Variants in LPXN observed in about 807,000 individuals in gnomAD.
LPXN encodes leupaxin.
In LPXN, 28 loss-of-function variants were observed where a neutral mutation model predicts 45.6. The observed-to-expected ratio is 0.61, with a 90% CI of 0.45 to 0.84. LPXN has a LOEUF of 0.84. Among genes scored for constraint, LPXN ranks in the 40% least tolerant of loss-of-function variants. The probability of loss-of-function intolerance (pLI) is 0.00; values close to 1 mark genes in which losing one functional copy is unlikely to be tolerated. For missense variants in LPXN, 459 were observed against 475.0 expected (o/e 0.97, Z 0.31); for synonymous variants, 166 against 169.9 (o/e 0.98, Z 0.18).
chr11:58,561,732 T>C (rs899823397), intron 3 of LPXN, among the ~76,000 whole-genome samples: 14 of 152,252 alleles, frequency 9.2e-5, no homozygotes, highest in African/African-American at 2.2e-4. Context: ...TGGGGCAAAT[T>C]TGTGCTTATT....
At chr11:58,557,065 A>T (rs1034119736) in intron 3 of LPXN, among the ~76,000 whole-genome samples, 4 of 152,188 alleles carry the variant, frequency 2.6e-5, no homozygotes, top group Non-Finnish European at 5.9e-5. Flanking sequence ...CAGGGTATGG[A>T]GAAAAAAGAA....
At chr11:58,536,216 A>G (rs1260412988) in intron 7 of LPXN, among the ~76,000 whole-genome samples, 2 of 152,240 alleles carry the variant, frequency 1.3e-5, no homozygotes, top group Non-Finnish European at 2.9e-5. Flanking sequence ...ATCCTAAGCA[A>G]AAAGAACAAA....
Position 58,550,018 on chromosome 11 carries a change from T to C in LPXN, c.615A>G (p.Gln205=), listed in dbSNP as rs756037900. The C allele has an allele frequency of 5.0e-6, 8 of 1,613,944 alleles. No individual in the cohort carries two copies. Among genetic ancestry groups the C allele is most frequent in the Middle Eastern group, 1.6e-4 (1 of 6,084 alleles). The part of the protein sequence containing the change: ...GLAYCPNDYH[Q]LFSPRCAYCA... ...AGTAAGCACAGCGTGGAGAAAAAAG[T>C]TGGTGGTAGTCGTTGGGGCAGTAGG... Residue 205 remains glutamine (Q), a synonymous_variant, in exon 6 of 9, where the codon CAA becomes CAG. Transcript: ENST00000395074.
chr11:58,554,920 T>TC lies in LPXN; in HGVS notation c.238dup (p.Glu80GlyfsTer7). ...TGACGTTTTAGAAGGTGGTGGTGATTCCTTTGGCTCTTGGGCTTCACTATA... is the reference window on the plus strand; with the variant it reads ...TGACGTTTTAGAAGGTGGTGGTGATTCCCTTTGGCTCTTGGGCTTCACTATA... On this transcript the variant is annotated frameshift_variant, in exon 4 of 9. Transcript: ENST00000395074. LOFTEE classifies it high-confidence loss of function. 6.2e-7 allele frequency: 1 copy of TC among 1,613,932 alleles called. No homozygotes were observed. Among genetic ancestry groups the TC allele is most frequent in the African/African-American group, 1.3e-5 (1 of 75,020 alleles).
intron 7 of LPXN, among the ~76,000 whole-genome samples, chr11:58,541,411 T>C (rs1853718259): frequency 6.6e-6 from 1 of 152,166 alleles, no homozygotes; most frequent in South Asian, 2.1e-4. Flanking sequence ...AAAGAAGACA[T>C]TTATGCAGGC....
At chr11:58,530,559 C>T (rs1414333399) in intron 7 of LPXN, among the ~76,000 whole-genome samples, 2 of 152,186 alleles carry the variant, frequency 1.3e-5, no homozygotes, top group African/African-American at 4.8e-5. Flanking sequence ...CAGTCAGGGG[C>T]TTATAGATAA....
At position 58,527,556 on chromosome 11, in the gene LPXN, A is replaced by AAAGTGCTC; in HGVS notation, c.1051_1058dup (p.Phe353LeufsTer10). 2 of 1,614,192 alleles carry AAAGTGCTC rather than the reference A, an allele frequency of 1.2e-6. No individual in the cohort carries two copies. The highest frequency in any genetic ancestry group is 8.5e-7 in the Non-Finnish European group (1 of 1,180,028). ...ACTGTGTCAGGCAGAAAGCACACAC[A>AAAGTGCTC]AAGTGCTCAGGATGGAACTTGTACC... On this transcript the variant is annotated frameshift_variant, in exon 9 of 9. Coordinates refer to ENST00000395074, the MANE Select transcript of LPXN (RefSeq NM_004811.3). LOFTEE classifies it high-confidence loss of function.
chr11:58,544,018 C>T (rs759505370), intron 7 of LPXN, among the ~76,000 whole-genome samples: 11 of 152,096 alleles, frequency 7.2e-5, no homozygotes, highest in Non-Finnish European at 1.3e-4. Flanking sequence ...CTTTAAAAAG[C>T]AGACAATTTA....
intron 7 of LPXN, among the ~76,000 whole-genome samples, chr11:58,536,584 A>G (rs1258686571): frequency 6.6e-6 from 1 of 152,230 alleles, no homozygotes; most frequent in East Asian, 1.9e-4. Context: ...AATACCATTC[A>G]GGACACAGGC....
Position 58,527,476 on chromosome 11 carries a change from A to T in LPXN, c.1139T>A (p.Phe380Tyr). ...QNDKTYCQPC[F>Y]NKLFPL ...GCATTACAGTGGGAAGAGCTTATTGAAGCAAGGTTGACAATAGGTCTTGTC... is the reference window on the plus strand; with the variant it reads ...GCATTACAGTGGGAAGAGCTTATTGTAGCAAGGTTGACAATAGGTCTTGTC... The change falls in exon 9 of 9, where the codon TTC (phenylalanine) becomes TAC (tyrosine). Residue 380 changes from phenylalanine (F) to tyrosine (Y), a missense_variant. Transcript: ENST00000395074. The T allele has an allele frequency of 6.2e-7, 1 of 1,614,210 alleles. No homozygotes were observed. The highest frequency in any genetic ancestry group is 8.5e-7 in the Non-Finnish European group (1 of 1,180,034).
chr11:58,571,654 GTTTT>G (rs1157000081), intron 1 of LPXN, among the ~76,000 whole-genome samples: 2 of 145,824 alleles, frequency 1.4e-5, no homozygotes, highest in African/African-American at 2.6e-5. Context: ...TACTCTTTCA[GTTTT>G]TTTTCTTTTT....
At chr11:58,539,032 C>T (rs1278365092) in intron 7 of LPXN, among the ~76,000 whole-genome samples, 8 of 152,112 alleles carry the variant, frequency 5.3e-5, no homozygotes, top group Admixed American at 2.0e-4. Context: ...TCTATCAGGG[C>T]GCAGTGGCTC....
chr11:58,575,398 A>C (rs1236035721), intron 1 of LPXN, among the ~76,000 whole-genome samples: 2 of 152,054 alleles, frequency 1.3e-5, no homozygotes, highest in South Asian at 4.1e-4. Flanking sequence ...CTCAAATCAT[A>C]TCTCTGCATT....
chr11:58,560,209 G>A (rs1380472435), intron 3 of LPXN, among the ~76,000 whole-genome samples: 1 of 152,164 alleles, frequency 6.6e-6, no homozygotes, highest in Non-Finnish European at 1.5e-5. Context: ...AAGTGGTGGA[G>A]GTGTCAGATG....
chr11:58,554,820 C>T, intron 4 of LPXN, 21 bp downstream of exon 4: 1 of 1,603,574 alleles, frequency 6.2e-7, no homozygotes, highest in Non-Finnish European at 8.5e-7. Context: ...TTGGCCTGCA[C>T]TCACCTTGGC....
intron 1 of LPXN, 25 bp downstream of exon 1, chr11:58,575,735 G>T: frequency 6.2e-7 from 1 of 1,614,010 alleles, no homozygotes; most frequent in Non-Finnish European, 8.5e-7. Context: ...CTCCCTCAGA[G>T]TTTCTCCTCA....
At chr11:58,546,722 T>C (rs150047387) in intron 7 of LPXN, among the ~76,000 whole-genome samples, 80 of 152,258 alleles carry the variant, frequency 5.3e-4, no homozygotes, top group African/African-American at 1.8e-3. Flanking sequence ...CATTCTTAAA[T>C]AGTAACAGAC....
At chr11:58,527,977 CT>C in intron 8 of LPXN, 65 bp downstream of exon 8, 1 of 1,539,844 alleles carries the variant, frequency 6.5e-7, no homozygotes, top group Non-Finnish European at 8.8e-7. Flanking sequence ...CTAACTGCAG[CT>C]CTTCCTCTCA....
intron 2 of LPXN, among the ~76,000 whole-genome samples, chr11:58,568,814 A>G (rs1316742347): frequency 6.6e-6 from 1 of 152,240 alleles, no homozygotes; most frequent in Non-Finnish European, 1.5e-5. Context: ...GGACTCTTTC[A>G]GGTAAACCAG....
Sources: allele counts gnomAD v4.1 joint callset (sites outside exome capture counted in the v4.1 genomes callset), GRCh38; gene constraint gnomAD v4.1.1; transcripts MANE v1.5; gene names NCBI Gene and HGNC (gene_info 2026-07-23, HGNC 2026-07-21).